SLMAP: variants seen among roughly 807,000 people sequenced by gnomAD.
The protein encoded by SLMAP is sarcolemma associated protein.
A neutral mutation model predicts 128.8 loss-of-function variants in SLMAP; 44 were observed. That is an observed-to-expected ratio of 0.34 (90% CI 0.27 to 0.44). The LOEUF is 0.44. SLMAP is among the 20% of genes least tolerant of loss of function. The probability of loss-of-function intolerance (pLI) is 1.00; values close to 1 mark genes in which losing one functional copy is unlikely to be tolerated. For missense variants in SLMAP, 787 were observed against 985.3 expected, an observed-to-expected ratio of 0.80 and a Z score of 2.69; for synonymous variants, 327 against 348.8, an observed-to-expected ratio of 0.94 and a Z score of 0.70.
At chr3:57,762,975 C>T (rs765982124) in intron 2 of SLMAP, among the ~76,000 whole-genome samples, 5 of 152,138 alleles carry the variant, frequency 3.3e-5, no homozygotes, top group African/African-American at 1.2e-4. Flanking sequence ...CTGCCTGCCT[C>T]GGCCTCCCAA....
chr3:57,758,125 T>G (rs1337531703), intron 2 of SLMAP, among the ~76,000 whole-genome samples: 1 of 152,224 alleles, frequency 6.6e-6, no homozygotes, highest in Non-Finnish European at 1.5e-5. Context: ...AACTAGATAG[T>G]GAAACTTGGC....
intron 17 of SLMAP, 62 bp from the exon 18 acceptor site, chr3:57,907,822 T>C: frequency 1.3e-6 from 2 of 1,515,080 alleles, no homozygotes; most frequent in Non-Finnish European, 1.8e-6. Context: ...ATTACCAGTC[T>C]TTTATTGTAG....
intron 6 of SLMAP, among the ~76,000 whole-genome samples, chr3:57,855,716 A>C (rs1456277566): frequency 6.7e-6 from 1 of 149,252 alleles, no homozygotes; most frequent in Non-Finnish European, 1.5e-5. Flanking sequence ...TCTGTTAAAA[A>C]AAAAAAAAAC....
At chr3:57,915,167 C>T (rs1294806324) in intron 21 of SLMAP, among the ~76,000 whole-genome samples, 1 of 152,054 alleles carries the variant, frequency 6.6e-6, no homozygotes, top group Non-Finnish European at 1.5e-5. Flanking sequence ...TGCCCTCGGC[C>T]GAAAGTATTG....
intron 13 of SLMAP, among the ~76,000 whole-genome samples, chr3:57,867,189 A>G (rs989548637): frequency 6.6e-6 from 1 of 152,184 alleles, no homozygotes; most frequent in Admixed American, 6.5e-5. Flanking sequence ...CAAAAAACAA[A>G]ACAAAACAAA....
intron 2 of SLMAP, among the ~76,000 whole-genome samples, chr3:57,816,897 A>G (rs958465692): frequency 6.6e-6 from 1 of 152,238 alleles, no homozygotes; most frequent in Admixed American, 6.5e-5. Context: ...CAAGAGCAGC[A>G]TAAGGAAAGA....
chr3:57,760,788 C>A (rs62259026), intron 2 of SLMAP, among the ~76,000 whole-genome samples: 7 of 151,646 alleles, frequency 4.6e-5, no homozygotes, highest in Non-Finnish European at 1.0e-4. Context: ...AGTGCAATGG[C>A]GCGATCTTGG....
intron 22 of SLMAP, chr3:57,918,399 T>C (rs761595060): frequency 6.6e-6 from 1 of 152,264 alleles, no homozygotes; most frequent in South Asian, 2.1e-4. Flanking sequence ...TTTAACTGTT[T>C]CCACAAATGG....
chr3:57,841,372 G>T lies in SLMAP; in HGVS notation c.419+1G>T. 1 of 1,596,008 alleles carries T rather than the reference G, an allele frequency of 6.3e-7. No homozygotes were observed. The highest frequency in any genetic ancestry group is 8.6e-7 in the Non-Finnish European group (1 of 1,166,006). ...GTATGGAAGCCCGGCTCCGCTCAGA[G>T]TGAGTATAATTTAGTACTGTGAAGT... On this transcript the variant is annotated splice_donor_variant, in intron 4 of 24. Transcript: ENST00000671191. LOFTEE classifies it high-confidence loss of function.
At chr3:57,803,084 A>T (rs2088950401) in intron 2 of SLMAP, among the ~76,000 whole-genome samples, 1 of 152,344 alleles carries the variant, frequency 6.6e-6, no homozygotes, top group South Asian at 2.1e-4. Flanking sequence ...TTATTGGTAG[A>T]TGAGCAACTA....
At chr3:57,776,602 C>T (rs904425313) in intron 2 of SLMAP, among the ~76,000 whole-genome samples, 12 of 147,672 alleles carry the variant, frequency 8.1e-5, no homozygotes, top group African/African-American at 2.8e-4. Context: ...TCTTGGCTCA[C>T]TGCAACCTCC....
Position 57,756,602 on chromosome 3 carries a change from G to C in SLMAP, c.-1050G>C, listed in dbSNP as rs541802908. The C allele has an allele frequency of 6.6e-6, 1 of 152,520 alleles. No individual in the cohort carries two copies. The highest frequency in any genetic ancestry group is 1.5e-5 in the Non-Finnish European group (1 of 68,180). 9.4% of individuals were successfully genotyped at this position (152,520 alleles called of 1,614,324 possible). ...AGCTTGAGCTTGCCCCATCGGCCGC[G>C]ATCGGTGGAGGCTGCGGCGGATCCA... On this transcript the variant is annotated 5_prime_UTR_variant, in exon 2 of 25. Coordinates refer to ENST00000671191, the MANE Select transcript of SLMAP (RefSeq NM_001377540.1).
chr3:57,831,546 A>C lies in SLMAP; in HGVS notation c.346+16A>C. 1 of 1,449,080 alleles carries C rather than the reference A, an allele frequency of 6.9e-7. No individual in the cohort carries two copies. Among genetic ancestry groups the C allele is most frequent in the Non-Finnish European group, 9.2e-7 (1 of 1,090,668 alleles). The allele number at this position is 1,449,080 out of a possible 1,614,324, so 89.8% of individuals were successfully genotyped here. On this transcript the variant is annotated intron_variant, in intron 3 of 24. Transcript: ENST00000671191. ...ACACGGAAAGGTACGGGTATGGATC[A>C]CTTTTTTTATTACTTGTCTTTTAAA...
intron 17 of SLMAP, among the ~76,000 whole-genome samples, chr3:57,906,951 C>T (rs889857900): frequency 6.6e-6 from 1 of 151,282 alleles, no homozygotes; most frequent in Non-Finnish European, 1.5e-5. Flanking sequence ...AAATAGAATG[C>T]TGGATTTAAT....
chr3:57,771,751 T>G (rs550843999), intron 2 of SLMAP, among the ~76,000 whole-genome samples: 1 of 152,346 alleles, frequency 6.6e-6, no homozygotes, highest in East Asian at 1.9e-4. Flanking sequence ...ATATATCTTT[T>G]GAGTTCCCTA....
chr3:57,929,702 C>T lies in SLMAP; in HGVS notation c.*2413C>T, dbSNP rs77115958. 6.7e-3 allele frequency among the ~76,000 whole-genome samples: 1,016 copies of T among 152,238 alleles called. 13 individuals carry two copies. Among genetic ancestry groups the T allele is most frequent in the African/African-American group, 0.023 (940 of 41,542 alleles). ...TGGCAGGGTTAGAGAATAAAAAGAA[C>T]GTGGTGTTTGAAGCAAAACAGATCT... On this transcript the variant is annotated 3_prime_UTR_variant, in exon 25 of 25. Coordinates refer to ENST00000671191, the MANE Select transcript of SLMAP (RefSeq NM_001377540.1).
At chr3:57,924,959 T>G (rs1049927636) in intron 23 of SLMAP, among the ~76,000 whole-genome samples, 1 of 147,858 alleles carries the variant, frequency 6.8e-6, no homozygotes, top group African/African-American at 2.5e-5. Flanking sequence ...TGTTTTTTGT[T>G]TTTTTTTTTT....
At chr3:57,922,312 A>C (rs2096932931) in intron 22 of SLMAP, among the ~76,000 whole-genome samples, 1 of 152,174 alleles carries the variant, frequency 6.6e-6, no homozygotes, top group South Asian at 2.1e-4. Context: ...ACTTGGTGGA[A>C]AAGTGATCCT....
intron 2 of SLMAP, among the ~76,000 whole-genome samples, chr3:57,813,633 A>T (rs11926924): frequency 1.3e-5 from 2 of 151,898 alleles, no homozygotes; most frequent in Admixed American, 6.6e-5. Context: ...CAACTATTTA[A>T]GTAGTATTTG....
Sources: gnomAD v4.1 joint callset for allele counts (sites outside exome capture counted in the v4.1 genomes callset) on GRCh38, gnomAD v4.1.1 for gene constraint, MANE v1.5 for transcripts, NCBI Gene and HGNC (gene_info 2026-07-23, HGNC 2026-07-21) for gene names.